Variants in PDZD8 observed in about 807,000 individuals in gnomAD.
PDZD8 encodes PDZ domain-containing protein 8.
In PDZD8, 14 loss-of-function variants were observed where a neutral mutation model predicts 85.8. The observed-to-expected ratio is 0.16, with a 90% CI of 0.11 to 0.26. PDZD8 has a LOEUF of 0.26. Ranked by LOEUF, PDZD8 falls within the 10% of genes least tolerant of loss-of-function variation. PDZD8 has a pLI of 1.00. For missense variants in PDZD8, 1,197 were observed against 1,424.3 expected (o/e 0.84, Z 2.57); for synonymous variants, 592 against 568.6 (o/e 1.04, Z -0.59).
chr10:117,375,024 C>G lies in PDZD8; in HGVS notation c.204G>C (p.Glu68Asp), dbSNP rs771201235. ...CGCCCTCAGGGGCCGCTCCGGAGGG[C>G]TCCTCATCCCGGCCGCCGCCATAAA... ...EYLYGGGRDE[E>D]PSGAAPEGGA... Residue 68 changes from glutamate to aspartate, a missense_variant, in exon 1 of 5, where the codon GAG (glutamate) becomes GAC (aspartate). Glu to Asp is a conservative substitution (Grantham distance 45). Around this residue, in one of 4 missense-constraint regions of PDZD8, gnomAD observed 172 missense variants for 137.8 expected, o/e 1.25. Transcript: ENST00000334464. 1.8e-5 allele frequency: 29 copies of G among 1,588,400 alleles called. No individual in the cohort carries two copies. The highest frequency in any genetic ancestry group is 2.2e-5 in the Non-Finnish European group (26 of 1,168,120).
chr10:117,374,478 C>G lies in PDZD8; in HGVS notation c.750G>C (p.Leu250=), dbSNP rs1845253829. 1 of 1,614,068 alleles carries G rather than the reference C, an allele frequency of 6.2e-7. No individual in the cohort carries two copies. Among genetic ancestry groups the G allele is most frequent in the Middle Eastern group, 1.6e-4 (1 of 6,062 alleles). ...HWFFSFVEDP[L]IDFEVRSQFE... is the part of the protein sequence containing the mutation. ...ACTGGGAGCGCACCTCGAAGTCGAT[C>G]AGCGGGTCTTCCACGAAGGAGAAGA... Residue 250 remains leucine, a synonymous_variant, in exon 1 of 5, where the codon CTG becomes CTC. Coordinates refer to ENST00000334464, the MANE Select transcript of PDZD8 (RefSeq NM_173791.5). This position sits in a 1 kb window ranked among gnomAD's most constrained non-coding sequence, Gnocchi z 7.8.
At chr10:117,345,740 G>A (rs574958530) in intron 1 of PDZD8, among the ~76,000 whole-genome samples, 58 of 152,070 alleles carry the variant, frequency 3.8e-4, no homozygotes, top group Non-Finnish European at 7.5e-4. Flanking sequence ...CTGTGAGAAG[G>A]ACCAGATGTT....
intron 3 of PDZD8, among the ~76,000 whole-genome samples, chr10:117,302,411 A>G (rs2133782776): frequency 6.6e-6 from 1 of 152,368 alleles, no homozygotes; most frequent in East Asian, 1.9e-4. Context: ...TGAAACAGAC[A>G]TATGGCAAAT....
chr10:117,330,164 T>C (rs1205261662), intron 2 of PDZD8, among the ~76,000 whole-genome samples: 1 of 151,746 alleles, frequency 6.6e-6, no homozygotes, highest in African/African-American at 2.4e-5. Flanking sequence ...TCAGGCTTGG[T>C]TGACCTTTTA....
At chr10:117,287,344 C>T (rs1844682568) in intron 4 of PDZD8, among the ~76,000 whole-genome samples, 1 of 152,130 alleles carries the variant, frequency 6.6e-6, no homozygotes, top group African/African-American at 2.4e-5. Flanking sequence ...GCCACTAGTT[C>T]TCTCACCCTT....
At chr10:117,365,630 A>C (rs1292405072) in intron 1 of PDZD8, among the ~76,000 whole-genome samples, 1 of 152,228 alleles carries the variant, frequency 6.6e-6, no homozygotes, top group Non-Finnish European at 1.5e-5. Flanking sequence ...AAGGTAAATA[A>C]TTAACGTGCA....
rs901880887 is a variant in PDZD8, at chr10:117,281,490, G to A, written c.*1778C>T. Reference sequence around the variant, plus strand: ...GTACCTGAAATTTTCGCTTACTAAAGTAACAAAAGGCATGAGACTTGGCTA... The same window carrying A: ...GTACCTGAAATTTTCGCTTACTAAAATAACAAAAGGCATGAGACTTGGCTA... On this transcript the variant is annotated 3_prime_UTR_variant, in exon 5 of 5. Transcript: ENST00000334464. 2 of 150,956 alleles carry A rather than the reference G, an allele frequency of 1.3e-5. No homozygotes were observed. Among genetic ancestry groups the A allele is most frequent in the African/African-American group, 4.9e-5 (2 of 40,952 alleles). The allele number at this position is 150,956 out of a possible 1,614,324, so 9.4% of individuals were successfully genotyped here. A position where few individuals can be genotyped will look rare whatever the true frequency, so the allele number is the denominator to read the frequency against.
chr10:117,361,202 C>A (rs1194032146), intron 1 of PDZD8, among the ~76,000 whole-genome samples: 1 of 151,556 alleles, frequency 6.6e-6, no homozygotes, highest in Non-Finnish European at 1.5e-5. Flanking sequence ...ATCCAAATCA[C>A]ACTGTGAAAA....
intron 3 of PDZD8, among the ~76,000 whole-genome samples, chr10:117,308,255 A>G: frequency 6.6e-6 from 1 of 152,078 alleles, no homozygotes; most frequent in Admixed American, 6.6e-5. Flanking sequence ...TGAGAACACA[A>G]TCTTAAACAA....
chr10:117,290,024 C>T lies in PDZD8; in HGVS notation c.1261+162G>A, dbSNP rs148594765. Among the ~76,000 whole-genome samples the T allele has an allele frequency of 5.4e-3, 818 of 152,068 alleles. 5 individuals are homozygous for T. Among genetic ancestry groups the T allele is most frequent in the African/African-American group, 0.019 (787 of 41,450 alleles). ...TGTTTTAAATGTATTTTGAAGGCCT[C>T]CTTTGAATTTTTATTTATAATAAAG... On this transcript the variant is annotated intron_variant, in intron 4 of 4. Coordinates refer to ENST00000334464, the MANE Select transcript of PDZD8 (RefSeq NM_173791.5).
chr10:117,339,799 T>C (rs1408694078), intron 2 of PDZD8, among the ~76,000 whole-genome samples: 1 of 152,102 alleles, frequency 6.6e-6, no homozygotes, highest in Non-Finnish European at 1.5e-5. Context: ...CACCTTGCCT[T>C]GGGAAGGCCT....
At chr10:117,366,553 T>TACCACCACCACTACC (rs1360748743) in intron 1 of PDZD8, among the ~76,000 whole-genome samples, 31 of 151,352 alleles carry the variant, frequency 2.0e-4, no homozygotes, top group Admixed American at 1.1e-3. Flanking sequence ...GGTCTGTCAC[T>TACCACCACCACTACC]ACCACCACCA....
intron 4 of PDZD8, among the ~76,000 whole-genome samples, chr10:117,288,476 A>G (rs1353894660): frequency 6.6e-6 from 1 of 152,044 alleles, no homozygotes; most frequent in Non-Finnish European, 1.5e-5. Flanking sequence ...AAAACAATGA[A>G]TGTGTATTGT....
intron 1 of PDZD8, among the ~76,000 whole-genome samples, chr10:117,362,876 GAC>G (rs10557007): frequency 0.23 from 35,002 of 151,720 alleles, 4,671 homozygotes; most frequent in East Asian, 0.43. Context: ...TAAACAAAAG[GAC>G]ACATATTTTA....
chr10:117,335,524 T>C (rs1844501279), intron 2 of PDZD8, among the ~76,000 whole-genome samples: 1 of 152,230 alleles, frequency 6.6e-6, no homozygotes, highest in African/African-American at 2.4e-5. Flanking sequence ...CTATATACCA[T>C]CTGTATATCT....
chr10:117,360,294 T>C (rs1844974599), intron 1 of PDZD8, among the ~76,000 whole-genome samples: 1 of 152,168 alleles, frequency 6.6e-6, no homozygotes, highest in South Asian at 2.1e-4. Context: ...CTCTTGACTA[T>C]GTCTGGCAAA....
At chr10:117,337,272 A>G (rs530859658) in intron 2 of PDZD8, among the ~76,000 whole-genome samples, 3 of 152,324 alleles carry the variant, frequency 2.0e-5, no homozygotes, top group Admixed American at 2.0e-4. Context: ...AAGATAGACT[A>G]TAAATTATAA....
Position 117,284,249 on chromosome 10 carries a change from C to T in PDZD8, c.2484G>A (p.Glu828=). 6.2e-7 allele frequency: 1 copy of T among 1,614,192 alleles called. No homozygotes were observed. The highest frequency in any genetic ancestry group is 1.3e-5 in the African/African-American group (1 of 75,050). The change falls in exon 5 of 5, where the codon GAG becomes GAA. Residue 828 remains glutamate, a synonymous_variant. Transcript: ENST00000334464. ...VEEVSVLPKE[E]QFVGQMGLTE... ...TTAAACCCATCTGTCCAACAAATTG[C>T]TCCTCTTTAGGGAGAACAGAAACTT...
intron 2 of PDZD8, among the ~76,000 whole-genome samples, chr10:117,321,419 T>G (rs1161895650): frequency 6.6e-6 from 1 of 152,194 alleles, no homozygotes; most frequent in Non-Finnish European, 1.5e-5. Context: ...ATTCCATTCA[T>G]ATAAAATATC....
Sources: allele counts gnomAD v4.1 joint callset (sites outside exome capture counted in the v4.1 genomes callset), GRCh38; gene constraint gnomAD v4.1.1; regional missense constraint gnomAD v4.1.1; non-coding constraint Gnocchi (gnomAD v3.1); transcripts MANE v1.5; gene names NCBI Gene and HGNC (gene_info 2026-07-23, HGNC 2026-07-21).